Variants in RNF225 observed in about 807,000 individuals in gnomAD.
RNF225 encodes ring finger protein 225.
For missense variants in RNF225, 510 were observed against 509.8 expected, an observed-to-expected ratio of 1.00 and a Z score of 0.00; for synonymous variants, 295 against 260.4, an observed-to-expected ratio of 1.13 and a Z score of -1.28.
rs1353841228 is a variant in RNF225 at position 58,396,134 on chromosome 19, C to T, written c.45C>T (p.Pro15=). 1.2e-5 allele frequency: 19 copies of T among 1,532,958 alleles called. No homozygotes were observed. The highest frequency in any genetic ancestry group is 1.6e-5 in the Non-Finnish European group (18 of 1,145,960). The allele number at this position is 1,532,958 out of a possible 1,614,324, so 95.0% of individuals were successfully genotyped here. ...TCTGGCTCCGCCATTCCCGGGCCCC[C>T]CAGGGCTCGGGTCCCAGCTCCCCAG... The part of the protein sequence containing the change: ...RPFWLRHSRA[P]QGSGPSSPGS... Residue 15 remains proline (P), a synonymous_variant, in exon 1 of 1, where the codon CCC becomes CCT. Coordinates refer to ENST00000601382, the MANE Select transcript of RNF225 (RefSeq NM_001195135.2).
Position 58,396,457 on chromosome 19 carries a change from T to TC in RNF225, c.372dup (p.Ala125ArgfsTer146). On this transcript the variant is annotated frameshift_variant, in exon 1 of 1. Transcript: ENST00000601382. LOFTEE classifies it low-confidence loss of function (END_TRUNC). The stretch of plus-strand genomic sequence containing the variant: ...ACGCGCCTGGCCCCCCGCCGCGGAC[T>TC]CCCCGCGTTGCCCACGCAGTCCGGT... 1.4e-6 allele frequency: 2 copies of TC among 1,416,368 alleles called. No homozygotes were observed. The highest frequency in any genetic ancestry group is 1.5e-5 in the South Asian group (1 of 67,436). The allele number at this position is 1,416,368 out of a possible 1,614,324, so 87.7% of individuals were successfully genotyped here.
In RNF225 at chr19:58,396,659, G is replaced by T. The variant is rs982785917; in HGVS notation, c.570G>T (p.Ser190=). The T allele has an allele frequency of 7.5e-5, 108 of 1,447,370 alleles. No individual in the cohort carries two copies. Among genetic ancestry groups the T allele is most frequent in the Non-Finnish European group, 9.5e-5 (105 of 1,107,940 alleles). 89.7% of individuals were successfully genotyped at this position (1,447,370 alleles called of 1,614,324 possible). ...GCCGCCCGCTGTCGCGCCGCTTGTCGCTGGCCAGCCCGGCCTGGGTCTTCA... is the reference window on the plus strand; with the variant it reads ...GCCGCCCGCTGTCGCGCCGCTTGTCTCTGGCCAGCCCGGCCTGGGTCTTCA... ...RLGRPLSRRL[S]LASPAWVFNA... The change falls in exon 1 of 1, where the codon TCG becomes TCT. Residue 190 remains serine (S), a synonymous_variant. Transcript: ENST00000601382.
rs760074006 is a variant in RNF225 at position 58,396,151 on chromosome 19, G to T, written c.62G>T (p.Ser21Ile). The change falls in exon 1 of 1, where the codon AGC becomes ATC. Residue 21 changes from serine (S) to isoleucine (I), a missense_variant. By Grantham distance (142) the Ser-to-Ile change is moderately radical. Coordinates refer to ENST00000601382, the MANE Select transcript of RNF225 (RefSeq NM_001195135.2). ...CGGGCCCCCCAGGGCTCGGGTCCCA[G>T]CTCCCCAGGCTCGCTCTCTGCGCCC... ...HSRAPQGSGP[S>I]SPGSLSAPRS... 12 of 1,533,584 alleles carry T rather than the reference G, an allele frequency of 7.8e-6. No individual in the cohort carries two copies. The highest frequency in any genetic ancestry group is 1.0e-5 in the Non-Finnish European group (12 of 1,146,226). 95.0% of individuals were successfully genotyped at this position (1,533,584 alleles called of 1,614,324 possible).
Position 58,397,035 on chromosome 19 carries a change from G to T in RNF225, c.946G>T (p.Ala316Ser). The T allele has an allele frequency of 1.3e-6, 2 of 1,530,758 alleles. No individual in the cohort carries two copies. Among genetic ancestry groups the T allele is most frequent in the South Asian group, 2.4e-5 (2 of 83,764 alleles). The allele number at this position is 1,530,758 out of a possible 1,614,324, so 94.8% of individuals were successfully genotyped here. The change falls in exon 1 of 1, where the codon GCC becomes TCC. Residue 316 changes from alanine (A) to serine (S), a missense_variant. Ala to Ser is a moderately conservative substitution (Grantham distance 99). Coordinates refer to ENST00000601382, the MANE Select transcript of RNF225 (RefSeq NM_001195135.2). ...TWGTEAGPGWAPWPRGARRLW... is the reference protein window; with the variant it reads ...TWGTEAGPGWSPWPRGARRLW... ...GGGCACAGAGGCTGGCCCCGGCTGGGCCCCGTGGCCACGGGGCGCGAGGAG... is the reference window on the plus strand; with the variant it reads ...GGGCACAGAGGCTGGCCCCGGCTGGTCCCCGTGGCCACGGGGCGCGAGGAG...
In RNF225 at chr19:58,396,850, C is replaced by A; in HGVS notation, c.761C>A (p.Pro254Gln). 6.6e-7 allele frequency: 1 copy of A among 1,520,290 alleles called. No individual in the cohort carries two copies. The highest frequency in any genetic ancestry group is 8.8e-7 in the Non-Finnish European group (1 of 1,141,178). The allele number at this position is 1,520,290 out of a possible 1,614,324, so 94.2% of individuals were successfully genotyped here. A position where few individuals can be genotyped will look rare whatever the true frequency, so the allele number is the denominator to read the frequency against. The change falls in exon 1 of 1, where the codon CCG becomes CAG. Residue 254 changes from proline to glutamine, a missense_variant. Physicochemically the swap from Pro to Gln is moderately conservative, Grantham distance 76. Transcript: ENST00000601382. ...TCTTGGTTTCCGCCGAGGCCCCCGC[C>A]GGGGTCGCCCTGGGCCCCCGCCTGG... Reference protein sequence around the residue: ...GFSWFPPRPPPGSPWAPAWTP... With the variant: ...GFSWFPPRPPQGSPWAPAWTP...
chr19:58,396,124 C>G lies in RNF225; in HGVS notation c.35C>G (p.Ser12Cys), dbSNP rs1293893507. The G allele has an allele frequency of 4.6e-6, 7 of 1,532,372 alleles. No individual in the cohort carries two copies. In the East Asian group the frequency reaches 1.7e-4, roughly 38 times the overall value. 94.9% of individuals were successfully genotyped at this position (1,532,372 alleles called of 1,614,324 possible). The change falls in exon 1 of 1, where the codon TCC becomes TGC. Residue 12 changes from serine (S) to cysteine (C), a missense_variant. Coordinates refer to ENST00000601382, the MANE Select transcript of RNF225 (RefSeq NM_001195135.2). The stretch of plus-strand genomic sequence containing the variant: ...CCTCGGCCGTTCTGGCTCCGCCATT[C>G]CCGGGCCCCCCAGGGCTCGGGTCCC... ...PCPRPFWLRHSRAPQGSGPSS... is the reference protein window; with the variant it reads ...PCPRPFWLRHCRAPQGSGPSS...
At position 58,396,812 on chromosome 19, in the gene RNF225, A is replaced by T. The variant is rs2052403556; in HGVS notation, c.723A>T (p.Pro241=). The T allele has an allele frequency of 2.0e-6, 3 of 1,520,514 alleles. No individual in the cohort carries two copies. The highest frequency in any genetic ancestry group is 4.0e-5 in the Admixed American group (2 of 49,882). 94.2% of individuals were successfully genotyped at this position (1,520,514 alleles called of 1,614,324 possible). Residue 241 remains proline (P), a synonymous_variant, in exon 1 of 1, where the codon CCA becomes CCT. Coordinates refer to ENST00000601382, the MANE Select transcript of RNF225 (RefSeq NM_001195135.2). Reference sequence around the variant, plus strand: ...GGCCCCAGCTCGTGGCGCTCGCTCCAGCGCCTGGCTTCTCTTGGTTTCCGC... The same window carrying T: ...GGCCCCAGCTCGTGGCGCTCGCTCCTGCGCCTGGCTTCTCTTGGTTTCCGC... ...PPRPQLVALA[P]APGFSWFPPR...
Position 58,396,661 on chromosome 19 carries a change from T to G in RNF225, c.572T>G (p.Leu191Arg), listed in dbSNP as rs2052402243. The change falls in exon 1 of 1, where the codon CTG becomes CGG. Residue 191 changes from leucine (L) to arginine (R), a missense_variant. Leu to Arg is a moderately radical substitution (Grantham distance 102). Transcript: ENST00000601382. ...CGCCCGCTGTCGCGCCGCTTGTCGC[T>G]GGCCAGCCCGGCCTGGGTCTTCAAC... ...LGRPLSRRLS[L>R]ASPAWVFNAA... 2.8e-6 allele frequency: 4 copies of G among 1,449,844 alleles called. No individual in the cohort carries two copies. The highest frequency in any genetic ancestry group is 2.7e-6 in the Non-Finnish European group (3 of 1,109,284). 89.8% of individuals were successfully genotyped at this position (1,449,844 alleles called of 1,614,324 possible). A position where few individuals can be genotyped will look rare whatever the true frequency, so the allele number is the denominator to read the frequency against.
rs1374833705 is a variant in RNF225 at position 58,396,068 on chromosome 19, C to T, written c.-22C>T. 2.0e-6 allele frequency: 3 copies of T among 1,486,226 alleles called. No homozygotes were observed. Among genetic ancestry groups the T allele is most frequent in the Non-Finnish European group, 2.7e-6 (3 of 1,127,122 alleles). 92.1% of individuals were successfully genotyped at this position (1,486,226 alleles called of 1,614,324 possible). A position where few individuals can be genotyped will look rare whatever the true frequency, so the allele number is the denominator to read the frequency against. On this transcript the variant is annotated 5_prime_UTR_variant, in exon 1 of 1. Coordinates refer to ENST00000601382, the MANE Select transcript of RNF225 (RefSeq NM_001195135.2). ...ACCGCCTCCTTCCCTGCCTGACCTC[C>T]TCTCCTCCCAGGTCCATCCGGATGC...
rs2052404718 is a variant in RNF225 at position 58,396,949 on chromosome 19, C to T, written c.860C>T (p.Ala287Val). Residue 287 changes from alanine (A) to valine (V), a missense_variant, in exon 1 of 1, where the codon GCG becomes GTG. Physicochemically the swap from Ala to Val is moderately conservative, Grantham distance 64. Transcript: ENST00000601382. ...GTAEDALEPE[A>V]GPEDPAEAER... is the part of the protein sequence containing the mutation. ...GCAGAAGATGCGCTGGAGCCCGAGG[C>T]GGGCCCCGAGGACCCGGCGGAGGCC... The T allele has an allele frequency of 6.5e-6, 10 of 1,533,952 alleles. No homozygotes were observed. The highest frequency in any genetic ancestry group is 4.8e-5 in the South Asian group (4 of 84,002).
rs983290371 is a variant in RNF225 at position 58,396,850 on chromosome 19, C to T, written c.761C>T (p.Pro254Leu). The T allele has an allele frequency of 2.1e-5, 32 of 1,520,292 alleles. No homozygotes were observed. The African/African-American group carries it at 3.2e-4, about 15-fold the overall frequency. The allele number at this position is 1,520,292 out of a possible 1,614,324, so 94.2% of individuals were successfully genotyped here. A position where few individuals can be genotyped will look rare whatever the true frequency, so the allele number is the denominator to read the frequency against. ...GFSWFPPRPP[P>L]GSPWAPAWTP... ...TCTTGGTTTCCGCCGAGGCCCCCGCCGGGGTCGCCCTGGGCCCCCGCCTGG... is the reference window on the plus strand; with the variant it reads ...TCTTGGTTTCCGCCGAGGCCCCCGCTGGGGTCGCCCTGGGCCCCCGCCTGG... Residue 254 changes from proline to leucine, a missense_variant, in exon 1 of 1, where the codon CCG (proline) becomes CTG (leucine). Pro to Leu is a moderately conservative substitution (Grantham distance 98). Transcript: ENST00000601382.
rs755502106 is a variant in RNF225 at position 58,396,878 on chromosome 19, G to A, written c.789G>A (p.Thr263=). The A allele has an allele frequency of 3.0e-5, 46 of 1,526,688 alleles. No homozygotes were observed. The South Asian group carries it at 5.0e-4, about 17-fold the overall frequency. The allele number at this position is 1,526,688 out of a possible 1,614,324, so 94.6% of individuals were successfully genotyped here. ...PPGSPWAPAW[T]PRPTGPDLDT... Reference sequence around the variant, plus strand: ...GGTCGCCCTGGGCCCCCGCCTGGACGCCGCGCCCCACGGGCCCTGACCTGG... The same window carrying A: ...GGTCGCCCTGGGCCCCCGCCTGGACACCGCGCCCCACGGGCCCTGACCTGG... The change falls in exon 1 of 1, where the codon ACG becomes ACA. Residue 263 remains threonine, a synonymous_variant. Coordinates refer to ENST00000601382, the MANE Select transcript of RNF225 (RefSeq NM_001195135.2).
At position 58,396,807 on chromosome 19, in the gene RNF225, G is replaced by T. The variant is rs1316704794; in HGVS notation, c.718G>T (p.Ala240Ser). The change falls in exon 1 of 1, where the codon GCT becomes TCT. Residue 240 changes from alanine (A) to serine (S), a missense_variant. By Grantham distance (99) the Ala-to-Ser change is moderately conservative. Transcript: ENST00000601382. ...GPPRPQLVAL[A>S]PAPGFSWFPP... ...CCCGCGGCCCCAGCTCGTGGCGCTC[G>T]CTCCAGCGCCTGGCTTCTCTTGGTT... 6.6e-7 allele frequency: 1 copy of T among 1,519,202 alleles called. No individual in the cohort carries two copies. The highest frequency in any genetic ancestry group is 8.8e-7 in the Non-Finnish European group (1 of 1,140,678). 94.1% of individuals were successfully genotyped at this position (1,519,202 alleles called of 1,614,324 possible). A position where few individuals can be genotyped will look rare whatever the true frequency, so the allele number is the denominator to read the frequency against.
Position 58,396,401 on chromosome 19 carries a change from C to T in RNF225, c.312C>T (p.Asn104=), listed in dbSNP as rs1453269353. 1 of 1,533,324 alleles carries T rather than the reference C, an allele frequency of 6.5e-7. No individual in the cohort carries two copies. Among genetic ancestry groups the T allele is most frequent in the Non-Finnish European group, 8.7e-7 (1 of 1,145,842 alleles). The allele number at this position is 1,533,324 out of a possible 1,614,324, so 95.0% of individuals were successfully genotyped here. The stretch of plus-strand genomic sequence containing the variant: ...CGTTGGCCACGGCGGGCGGCGGCAA[C>T]GCGGTGGCCTGTCCGGTGTGCCGCG... ...RLSLATAGGG[N]AVACPVCRAP... is the part of the protein sequence containing the mutation. Residue 104 remains asparagine (N), a synonymous_variant, in exon 1 of 1, where the codon AAC becomes AAT. Transcript: ENST00000601382.
In RNF225 at chr19:58,396,666, A is replaced by C; in HGVS notation, c.577A>C (p.Ser193Arg). 6.8e-7 allele frequency: 1 copy of C among 1,460,478 alleles called. No individual in the cohort carries two copies. Among genetic ancestry groups the C allele is most frequent in the South Asian group, 1.3e-5 (1 of 76,616 alleles). 90.5% of individuals were successfully genotyped at this position (1,460,478 alleles called of 1,614,324 possible). A position where few individuals can be genotyped will look rare whatever the true frequency, so the allele number is the denominator to read the frequency against. Residue 193 changes from serine (S) to arginine (R), a missense_variant, in exon 1 of 1, where the codon AGC becomes CGC. Ser to Arg is a moderately radical substitution (Grantham distance 110). Coordinates refer to ENST00000601382, the MANE Select transcript of RNF225 (RefSeq NM_001195135.2). ...GCTGTCGCGCCGCTTGTCGCTGGCC[A>C]GCCCGGCCTGGGTCTTCAACGCTGC... Reference protein sequence around the residue: ...RPLSRRLSLASPAWVFNAAVA... With the variant: ...RPLSRRLSLARPAWVFNAAVA...
rs1458163927 is a variant in RNF225, at chr19:58,395,750, G to A, written c.-340G>A. Among the ~76,000 whole-genome samples the A allele has an allele frequency of 1.3e-5, 2 of 148,398 alleles. No individual in the cohort carries two copies. The highest frequency in any genetic ancestry group is 6.6e-5 in the Admixed American group (1 of 15,114). The stretch of plus-strand genomic sequence containing the variant: ...CTGCGGTCTGTCATTACTCTGTGGG[G>A]GGTGCCTATCTCTGCTCCTCTGTGG... On this transcript the variant is annotated 5_prime_UTR_variant, in exon 1 of 1. Coordinates refer to ENST00000601382, the MANE Select transcript of RNF225 (RefSeq NM_001195135.2).
At position 58,396,290 on chromosome 19, in the gene RNF225, C is replaced by T. The variant is rs1471631493; in HGVS notation, c.201C>T (p.Cys67=). The change falls in exon 1 of 1, where the codon TGC becomes TGT. Residue 67 remains cysteine, a synonymous_variant. Transcript: ENST00000601382. ...CCTCCCCGGTGGAGTGCCTCATCTG[C>T]GTGTCGTCCTTCGACGGCGTGTTCA... ...PPASPVECLI[C]VSSFDGVFKL... is the part of the protein sequence containing the mutation. 6.5e-7 allele frequency: 1 copy of T among 1,536,010 alleles called. No individual in the cohort carries two copies. Among genetic ancestry groups the T allele is most frequent in the Non-Finnish European group, 8.7e-7 (1 of 1,146,882 alleles).
rs763208359 is a variant in RNF225, at chr19:58,396,295, C to T, written c.206C>T (p.Ser69Leu). The change falls in exon 1 of 1, where the codon TCG becomes TTG. Residue 69 changes from serine to leucine, a missense_variant. Coordinates refer to ENST00000601382, the MANE Select transcript of RNF225 (RefSeq NM_001195135.2). Reference protein sequence around the residue: ...ASPVECLICVSSFDGVFKLPK... With the variant: ...ASPVECLICVLSFDGVFKLPK... The stretch of plus-strand genomic sequence containing the variant: ...CCGGTGGAGTGCCTCATCTGCGTGT[C>T]GTCCTTCGACGGCGTGTTCAAGCTG... 6.5e-7 allele frequency: 1 copy of T among 1,535,938 alleles called. No homozygotes were observed. The highest frequency in any genetic ancestry group is 8.7e-7 in the Non-Finnish European group (1 of 1,146,860).
chr19:58,396,824 C>T lies in RNF225; in HGVS notation c.735C>T (p.Phe245=). 1.3e-6 allele frequency: 2 copies of T among 1,520,860 alleles called. No individual in the cohort carries two copies. The highest frequency in any genetic ancestry group is 5.1e-5 in the East Asian group (2 of 38,932). The allele number at this position is 1,520,860 out of a possible 1,614,324, so 94.2% of individuals were successfully genotyped here. Reference sequence around the variant, plus strand: ...TGGCGCTCGCTCCAGCGCCTGGCTTCTCTTGGTTTCCGCCGAGGCCCCCGC... The same window carrying T: ...TGGCGCTCGCTCCAGCGCCTGGCTTTTCTTGGTTTCCGCCGAGGCCCCCGC... ...QLVALAPAPG[F]SWFPPRPPPG... is the part of the protein sequence containing the mutation. Residue 245 remains phenylalanine (F), a synonymous_variant, in exon 1 of 1, where the codon TTC becomes TTT. Coordinates refer to ENST00000601382, the MANE Select transcript of RNF225 (RefSeq NM_001195135.2).
Sources: gnomAD v4.1 joint callset for allele counts (sites outside exome capture counted in the v4.1 genomes callset) on GRCh38, gnomAD v4.1.1 for gene constraint, MANE v1.5 for transcripts, NCBI Gene and HGNC (gene_info 2026-07-23, HGNC 2026-07-21) for gene names.